Variants in VPS13B observed in about 807,000 individuals in gnomAD.
The protein encoded by VPS13B is vacuolar protein sorting 13 homolog B.
Under a neutral mutation model 426.4 loss-of-function variants are expected in VPS13B, and 285 were observed. The ratio of observed to expected loss-of-function variants is 0.67; its 90% CI spans 0.61 to 0.74. The LOEUF (loss-of-function observed/expected upper bound fraction) is 0.74, where lower values mean the gene tolerates loss of function less well. VPS13B is among the 30% of genes least tolerant of loss of function. The probability of loss-of-function intolerance (pLI) is 0.00; values close to 1 mark genes in which losing one functional copy is unlikely to be tolerated. For missense variants in VPS13B, 4,537 were observed against 4,782.6 expected, an observed-to-expected ratio of 0.95 and a Z score of 1.51; for synonymous variants, 1,676 against 1,676.4, an observed-to-expected ratio of 1.00 and a Z score of 0.01.
At chr8:99,248,058 A>G (rs1817314841) in intron 17 of VPS13B, among the ~76,000 whole-genome samples, 2 of 152,316 alleles carry the variant, frequency 1.3e-5, no homozygotes, top group African/African-American at 2.4e-5. Flanking sequence ...GTAATATAAA[A>G]CTGCTGGTGA....
At chr8:99,712,757 G>T (rs1460378036) in intron 36 of VPS13B, among the ~76,000 whole-genome samples, 1 of 115,792 alleles carries the variant, frequency 8.6e-6, no homozygotes. Context: ...GTGTCCCCAA[G>T]CCAAAAAAAA....
chr8:99,326,930 A>G (rs1404006980), intron 19 of VPS13B, among the ~76,000 whole-genome samples: 10 of 152,182 alleles, frequency 6.6e-5, no homozygotes, highest in Admixed American at 6.5e-4. Flanking sequence ...AAGTTGTTAG[A>G]TGATTTTTGG....
At chr8:99,435,190 A>T (rs7008629) in intron 22 of VPS13B, among the ~76,000 whole-genome samples, 9,642 of 152,266 alleles carry the variant, frequency 0.063, 417 homozygotes, top group African/African-American at 0.12. Context: ...TTTGTAGAAG[A>T]TCTAGTTGAC....
At chr8:99,368,278 G>T (rs906563685) in intron 19 of VPS13B, among the ~76,000 whole-genome samples, 1 of 152,090 alleles carries the variant, frequency 6.6e-6, no homozygotes, top group African/African-American at 2.4e-5. Flanking sequence ...TAGCCTAACT[G>T]CTTTCTTCAC....
At chr8:99,586,419 A>T (rs1183010129) in intron 33 of VPS13B, among the ~76,000 whole-genome samples, 1 of 152,108 alleles carries the variant, frequency 6.6e-6, no homozygotes, top group South Asian at 2.1e-4. Flanking sequence ...AGGGCACCCA[A>T]TCATTTATAG....
At chr8:99,337,329 T>C (rs1298684345) in intron 19 of VPS13B, among the ~76,000 whole-genome samples, 2 of 122,816 alleles carry the variant, frequency 1.6e-5, no homozygotes, top group Non-Finnish European at 3.2e-5. Context: ...CACATGGACA[T>C]AGGAAGGGGA....
intron 17 of VPS13B, chr8:99,234,305 A>C: frequency 2.6e-6 from 2 of 758,924 alleles, no homozygotes; most frequent in South Asian, 2.7e-5. Context: ...GACTTGTTCC[A>C]CATTCTCCAC....
intron 19 of VPS13B, among the ~76,000 whole-genome samples, chr8:99,338,022 T>C (rs1388818293): frequency 6.6e-6 from 1 of 152,170 alleles, no homozygotes; most frequent in Non-Finnish European, 1.5e-5. Context: ...TGCATGATTT[T>C]ATTTCTGGAA....
intron 34 of VPS13B, among the ~76,000 whole-genome samples, chr8:99,652,994 A>T (rs922294169): frequency 2.0e-5 from 3 of 152,182 alleles, no homozygotes; most frequent in Non-Finnish European, 4.4e-5. Flanking sequence ...ATAATATTAT[A>T]TGAGGAAGGG....
At chr8:99,114,887 T>G (rs1407577965) in intron 6 of VPS13B, among the ~76,000 whole-genome samples, 2 of 152,334 alleles carry the variant, frequency 1.3e-5, no homozygotes, top group East Asian at 1.9e-4. Flanking sequence ...TTACTCCGTG[T>G]TTAGATAACA....
At chr8:99,337,789 T>G (rs1371028408) in intron 19 of VPS13B, among the ~76,000 whole-genome samples, 1 of 152,206 alleles carries the variant, frequency 6.6e-6, no homozygotes, top group Non-Finnish European at 1.5e-5. Flanking sequence ...TTTGGACTTC[T>G]CTATGAAATC....
chr8:99,194,475 C>T (rs1162948187), intron 17 of VPS13B, among the ~76,000 whole-genome samples: 1 of 152,162 alleles, frequency 6.6e-6, no homozygotes, highest in Admixed American at 6.6e-5. Flanking sequence ...CCATTCTACT[C>T]TCTACTTCTA....
At chr8:99,276,370 A>G (rs779937171) in intron 19 of VPS13B, among the ~76,000 whole-genome samples, 21 of 152,286 alleles carry the variant, frequency 1.4e-4, no homozygotes, top group African/African-American at 5.1e-4. Flanking sequence ...GTACAGAACC[A>G]TAAAGAATGA....
intron 16 of VPS13B, among the ~76,000 whole-genome samples, chr8:99,179,038 A>C (rs936559662): frequency 6.6e-6 from 1 of 152,210 alleles, no homozygotes; most frequent in African/African-American, 2.4e-5. Context: ...TAACTTAAAA[A>C]ATACTGCCAG....
intron 19 of VPS13B, among the ~76,000 whole-genome samples, chr8:99,320,384 A>C (rs950755637): frequency 6.6e-5 from 10 of 152,166 alleles, no homozygotes; most frequent in African/African-American, 2.2e-4. Flanking sequence ...TTTAAAATAC[A>C]ACATCAGTAA....
At chr8:99,709,569 C>T (rs773379780) in intron 36 of VPS13B, among the ~76,000 whole-genome samples, 2 of 152,196 alleles carry the variant, frequency 1.3e-5, no homozygotes, top group African/African-American at 2.4e-5. Context: ...AATGTTGCTA[C>T]ACCTCGTTTA....
At chr8:99,604,456 T>G (rs1460779095) in intron 33 of VPS13B, among the ~76,000 whole-genome samples, 1 of 151,798 alleles carries the variant, frequency 6.6e-6, no homozygotes, top group Non-Finnish European at 1.5e-5. Context: ...TCTCCATAGG[T>G]TCCTCTAGAA....
intron 17 of VPS13B, among the ~76,000 whole-genome samples, chr8:99,245,293 T>A (rs185580615): frequency 6.6e-6 from 1 of 152,332 alleles, no homozygotes; most frequent in Non-Finnish European, 1.5e-5. Context: ...TATGAAGTAT[T>A]GTGCCTTGTG....
In VPS13B at chr8:99,038,500, T is replaced by C. The variant is rs775859207; in HGVS notation, c.225T>C (p.Gly75=). 1 of 1,612,650 alleles carries C rather than the reference T, an allele frequency of 6.2e-7. No individual in the cohort carries two copies. Among genetic ancestry groups the C allele is most frequent in the South Asian group, 1.1e-5 (1 of 90,994 alleles). Residue 75 remains glycine (G), a synonymous_variant, in exon 3 of 62, where the codon GGT becomes GGC. Transcript: ENST00000357162. ...LRIHVPWTKL[G]SEPVVITINT... is the part of the protein sequence containing the mutation. ...TTCATGTACCATGGACAAAACTGGGTTCAGAACCAGTGGTAATTACCATCA... is the reference window on the plus strand; with the variant it reads ...TTCATGTACCATGGACAAAACTGGGCTCAGAACCAGTGGTAATTACCATCA...
Sources: allele counts gnomAD v4.1 joint callset (sites outside exome capture counted in the v4.1 genomes callset), GRCh38; gene constraint gnomAD v4.1.1; transcripts MANE v1.5; gene names NCBI Gene and HGNC (gene_info 2026-07-23, HGNC 2026-07-21).